The following ADGRV1 variants were observed in gnomAD, a reference collection of about 807,000 sequenced individuals.
ADGRV1 encodes the protein adhesion G protein-coupled receptor V1, also known as G-protein coupled receptor 98.
In ADGRV1, 359 loss-of-function variants were observed where a neutral mutation model predicts 596.2. The observed-to-expected ratio is 0.60, with a 90% CI of 0.55 to 0.66. ADGRV1 has a LOEUF of 0.66. ADGRV1 is among the 30% of genes least tolerant of loss of function. The pLI, the probability that ADGRV1 is intolerant of heterozygous loss-of-function variation, is 0.00. For synonymous variants in ADGRV1, 2,681 were observed against 2,679.2 expected (o/e 1.00, Z -0.02); for missense variants, 7,274 against 7,575.6 (o/e 0.96, Z 1.48).
intron 52 of ADGRV1, 57 bp from the exon 53 acceptor site, chr5:90,750,494 G>A: frequency 6.9e-7 from 1 of 1,440,754 alleles, no homozygotes. Context: ...GACAAAAAAA[G>A]AAGTCTGATT....
At position 90,558,923 on chromosome 5, in the gene ADGRV1, C is replaced by T. The variant is rs767310903; in HGVS notation, c.22+6C>T. ...GTCGGTGTTCCTGGGGCCAGGTAGGCTATGGCTGAGGGGTGGTGCTGCGAG... is the reference window on the plus strand; with the variant it reads ...GTCGGTGTTCCTGGGGCCAGGTAGGTTATGGCTGAGGGGTGGTGCTGCGAG... On this transcript the variant is annotated splice_donor_region_variant and intron_variant, in intron 1 of 89. Coordinates refer to ENST00000405460, the MANE Select transcript of ADGRV1 (RefSeq NM_032119.4). 21 of 1,556,264 alleles carry T rather than the reference C, an allele frequency of 1.3e-5. No individual in the cohort carries two copies. Among genetic ancestry groups the T allele is most frequent in the Admixed American group, 5.8e-5 (3 of 51,432 alleles).
Position 90,628,594 on chromosome 5 carries a change from G to C in ADGRV1, c.1271G>C (p.Gly424Ala), listed in dbSNP as rs2149381158. The C allele has an allele frequency of 2.5e-6, 4 of 1,613,680 alleles. No homozygotes were observed. Among genetic ancestry groups the C allele is most frequent in the Non-Finnish European group, 3.4e-6 (4 of 1,179,618 alleles). ...GAAATCACAGTGGTTAGAAATGGAG[G>C]AACCCATGGGAATGTCTCTGCGAAT... ...YEEITVVRNG[G>A]THGNVSANWV... is the part of the protein sequence containing the mutation. Residue 424 changes from glycine to alanine, a missense_variant, in exon 8 of 90, where the codon GGA becomes GCA. Transcript: ENST00000405460.
At chr5:90,921,862 C>A (rs1236760069) in intron 83 of ADGRV1, among the ~76,000 whole-genome samples, 1 of 143,842 alleles carries the variant, frequency 7.0e-6, no homozygotes, top group Non-Finnish European at 1.5e-5. Flanking sequence ...TGCAGCACTA[C>A]AACATGTCTT....
chr5:91,005,419 C>G (rs1782189112), intron 85 of ADGRV1, among the ~76,000 whole-genome samples: 1 of 151,974 alleles, frequency 6.6e-6, no homozygotes, highest in Non-Finnish European at 1.5e-5. Context: ...CTCACTGCAA[C>G]CTCGCCTCCT....
chr5:90,880,016 TC>T (rs990822204), intron 83 of ADGRV1, among the ~76,000 whole-genome samples: 3 of 152,132 alleles, frequency 2.0e-5, no homozygotes, highest in Non-Finnish European at 4.4e-5. Context: ...TCTATTTTTT[TC>T]CTTTTATTTA....
chr5:90,795,600 G>T (rs992968776), intron 70 of ADGRV1, among the ~76,000 whole-genome samples: 1 of 152,178 alleles, frequency 6.6e-6, no homozygotes. Context: ...CCTGCCTGAC[G>T]GCTCTGAAGA....
At chr5:90,757,290 A>G in intron 57 of ADGRV1, 129 bp downstream of exon 57, 1 of 659,496 alleles carries the variant, frequency 1.5e-6, no homozygotes, top group African/African-American at 1.8e-5. Flanking sequence ...GTTAAGTCAA[A>G]CAAATATTAT....
At chr5:90,631,546 A>G (rs561816455) in intron 9 of ADGRV1, among the ~76,000 whole-genome samples, 2 of 152,026 alleles carry the variant, frequency 1.3e-5, no homozygotes, top group African/African-American at 4.8e-5. Context: ...CATCTTTATT[A>G]TTATTAATTT....
intron 76 of ADGRV1, 27 bp from the exon 77 acceptor site, chr5:90,828,917 T>G (rs772137459): frequency 4.7e-6 from 7 of 1,475,536 alleles, no homozygotes; most frequent in Middle Eastern, 1.8e-4. Context: ...GTAATAGTTG[T>G]TTTTTTTTCC....
chr5:90,660,959 G>A (rs1770190974), intron 21 of ADGRV1, among the ~76,000 whole-genome samples: 1 of 152,126 alleles, frequency 6.6e-6, no homozygotes, highest in African/African-American at 2.4e-5. Context: ...GCAAAGAGCA[G>A]GTGCTTAATA....
rs140862671 is a variant in ADGRV1 at position 90,656,736 on chromosome 5, T to C, written c.4379-1169T>C. On this transcript the variant is annotated intron_variant, in intron 20 of 89. Coordinates refer to ENST00000405460, the MANE Select transcript of ADGRV1 (RefSeq NM_032119.4). ...CCACTGAGGTTATTGACAAGAAATA[T>C]TGCTTGTACTTTTTTTTCCAGAATC... Among the ~76,000 whole-genome samples the C allele has an allele frequency of 2.8e-3, 425 of 152,304 alleles. 1 individual carries two copies. Among genetic ancestry groups the C allele is most frequent in the African/African-American group, 9.2e-3 (383 of 41,568 alleles).
chr5:90,744,898 A>T (rs1580975187), intron 50 of ADGRV1, 148 bp from the exon 51 acceptor site: 1 of 628,030 alleles, frequency 1.6e-6, no homozygotes, highest in East Asian at 2.5e-5. Flanking sequence ...ACGTCCAGTT[A>T]TTTCAGAAAT....
At chr5:90,712,223 A>T in intron 41 of ADGRV1, 64 bp from the exon 42 acceptor site, 1 of 909,756 alleles carries the variant, frequency 1.1e-6, no homozygotes, top group South Asian at 3.0e-5. Flanking sequence ...TTCTTTCCAA[A>T]CATTCTATAG....
intron 50 of ADGRV1, among the ~76,000 whole-genome samples, chr5:90,732,179 T>G (rs1332650412): frequency 1.3e-5 from 2 of 151,842 alleles, no homozygotes; most frequent in Admixed American, 1.3e-4. Context: ...TAAAAAAAAG[T>G]TTTTTTTAAA....
At chr5:91,059,375 G>A (rs760694686) in intron 85 of ADGRV1, among the ~76,000 whole-genome samples, 2 of 152,122 alleles carry the variant, frequency 1.3e-5, no homozygotes, top group Non-Finnish European at 2.9e-5. Flanking sequence ...ATTATTACCA[G>A]TATTTTTTTT....
intron 87 of ADGRV1, among the ~76,000 whole-genome samples, chr5:91,113,168 G>C (rs1225627865): frequency 6.6e-6 from 1 of 152,086 alleles, no homozygotes; most frequent in African/African-American, 2.4e-5. Context: ...TCATTCACCT[G>C]CTTTCAGATA....
intron 83 of ADGRV1, among the ~76,000 whole-genome samples, chr5:90,891,939 A>C (rs1770866766): frequency 6.6e-6 from 1 of 151,982 alleles, no homozygotes; most frequent in African/African-American, 2.4e-5. Context: ...TCATCTAGGT[A>C]ATTTTTCTTT....
chr5:90,830,207 A>G (rs1764408115), intron 77 of ADGRV1, among the ~76,000 whole-genome samples: 1 of 152,108 alleles, frequency 6.6e-6, no homozygotes, highest in Admixed American at 6.6e-5. Context: ...AGGCAGTAAA[A>G]CTTATCTTTA....
intron 87 of ADGRV1, among the ~76,000 whole-genome samples, chr5:91,110,927 C>T (rs1792309819): frequency 1.3e-5 from 2 of 152,094 alleles, no homozygotes; most frequent in Non-Finnish European, 2.9e-5. Context: ...CATCTGGTCT[C>T]GAGATGTTCC....
Sources: allele counts gnomAD v4.1 joint callset (sites outside exome capture counted in the v4.1 genomes callset), GRCh38; gene constraint gnomAD v4.1.1; transcripts MANE v1.5; gene names NCBI Gene and HGNC (gene_info 2026-07-23, HGNC 2026-07-21).